Variants in MAP4K5 observed in about 807,000 individuals in gnomAD.
MAP4K5 encodes MAPK/ERK kinase kinase kinase 5.
MAP4K5 carries 82 observed loss-of-function variants against 135.6 expected under a neutral mutation model. The observed-to-expected ratio is 0.60, with a 90% confidence interval of 0.51 to 0.73. The LOEUF is 0.73. Ranked by LOEUF, MAP4K5 falls within the 30% of genes least tolerant of loss-of-function variation. The pLI is 0.00. For missense variants in MAP4K5, 907 were observed against 1,010.9 expected, an observed-to-expected ratio of 0.90 and a Z score of 1.39; for synonymous variants, 347 against 335.0, an observed-to-expected ratio of 1.04 and a Z score of -0.39.
chr14:50,444,918 A>T (rs1173521556), intron 18 of MAP4K5, 123 bp downstream of exon 18: 3 of 1,090,294 alleles, frequency 2.8e-6, no homozygotes, highest in South Asian at 3.5e-5. Context: ...TTGACTAAAT[A>T]AAAAAGATAT....
chr14:50,440,120 A>T, intron 22 of MAP4K5, 47 bp from the exon 23 acceptor site: 1 of 1,148,850 alleles, frequency 8.7e-7, no homozygotes, highest in East Asian at 2.5e-5. Flanking sequence ...CATTATTTTA[A>T]TCTTTTAAAT....
intron 9 of MAP4K5, among the ~76,000 whole-genome samples, chr14:50,473,454 A>G (rs2037014218): frequency 6.6e-6 from 1 of 152,178 alleles, no homozygotes; most frequent in Non-Finnish European, 1.5e-5. Flanking sequence ...TATTTTACTA[A>G]CTGCTTCTAA....
intron 9 of MAP4K5, among the ~76,000 whole-genome samples, chr14:50,472,889 T>C (rs912199696): frequency 6.6e-6 from 1 of 152,214 alleles, no homozygotes; most frequent in African/African-American, 2.4e-5. Context: ...AAATTAAACA[T>C]TGACTAATGC....
At chr14:50,480,289 C>CT (rs1183318514) in intron 6 of MAP4K5, among the ~76,000 whole-genome samples, 2 of 151,850 alleles carry the variant, frequency 1.3e-5, no homozygotes, top group East Asian at 3.9e-4. Context: ...AGCATTTATC[C>CT]TTTGAGTTAC....
intron 26 of MAP4K5, among the ~76,000 whole-genome samples, chr14:50,436,633 A>C (rs1355908793): frequency 6.6e-6 from 1 of 151,956 alleles, no homozygotes; most frequent in African/African-American, 2.4e-5. Flanking sequence ...CTGCATACTG[A>C]GATCAGCAAG....
At chr14:50,479,825 T>C (rs541562200) in intron 6 of MAP4K5, among the ~76,000 whole-genome samples, 23 of 152,302 alleles carry the variant, frequency 1.5e-4, no homozygotes, top group Admixed American at 1.3e-4. Flanking sequence ...ATACTCTACC[T>C]TAAATACTCT....
At chr14:50,457,197 A>G (rs1211752000) in intron 13 of MAP4K5, among the ~76,000 whole-genome samples, 1 of 152,218 alleles carries the variant, frequency 6.6e-6, no homozygotes, top group Admixed American at 6.5e-5. Flanking sequence ...GGGTGAGCCC[A>G]ATCGACAAAG....
intron 31 of MAP4K5, 141 bp downstream of exon 31, chr14:50,425,766 T>C (rs1457617041): frequency 2.0e-6 from 1 of 495,412 alleles, no homozygotes; most frequent in Non-Finnish European, 3.5e-6. Context: ...GGGAAAATAC[T>C]GGCTTTTTTG....
chr14:50,518,313 T>C (rs2038075772), intron 2 of MAP4K5, among the ~76,000 whole-genome samples: 1 of 152,154 alleles, frequency 6.6e-6, no homozygotes, highest in African/African-American at 2.4e-5. Context: ...TGCAGAAGAA[T>C]GTGCAGGTTT....
At position 50,487,887 on chromosome 14, in the gene MAP4K5, G is replaced by A. The variant is rs376607478; in HGVS notation, c.167-1693C>T. ...CATAGCATTAAAACTTCTCCTTTAC[G>A]CATGCTAATTTCCCTCAAACTGGCT... On this transcript the variant is annotated intron_variant, in intron 3 of 32. Coordinates refer to ENST00000682126, the MANE Select transcript of MAP4K5 (RefSeq NM_006575.6). Among the ~76,000 whole-genome samples the A allele has an allele frequency of 2.8e-4, 42 of 152,012 alleles. No homozygotes were observed. In the East Asian group the frequency reaches 6.0e-3, roughly 22 times the overall value.
intron 2 of MAP4K5, among the ~76,000 whole-genome samples, chr14:50,520,883 C>T (rs1015798574): frequency 3.4e-5 from 5 of 145,242 alleles, no homozygotes; most frequent in African/African-American, 7.7e-5. Context: ...AGTGCAGTGG[C>T]GCGATCTTTG....
intron 2 of MAP4K5, among the ~76,000 whole-genome samples, chr14:50,509,616 T>C (rs1453444338): frequency 6.6e-6 from 1 of 151,922 alleles, no homozygotes; most frequent in Non-Finnish European, 1.5e-5. Flanking sequence ...AAAAAAATTA[T>C]CGAATAAAAG....
At chr14:50,553,678 A>G (rs1466015439) in intron 1 of MAP4K5, among the ~76,000 whole-genome samples, 6 of 152,228 alleles carry the variant, frequency 3.9e-5, no homozygotes, top group Admixed American at 3.9e-4. Flanking sequence ...ACAATTCACA[A>G]TTACAAAGAT....
At chr14:50,526,132 T>C (rs952748880) in intron 2 of MAP4K5, among the ~76,000 whole-genome samples, 1 of 152,140 alleles carries the variant, frequency 6.6e-6, no homozygotes, top group Admixed American at 6.5e-5. Flanking sequence ...AAACCACTGG[T>C]CTTCTTTTAA....
upstream of MAP4K5, among the ~76,000 whole-genome samples, chr14:50,534,684 G>T (rs559965310): frequency 6.6e-6 from 1 of 152,274 alleles, no homozygotes; most frequent in East Asian, 1.9e-4. Flanking sequence ...TCTATGTGGT[G>T]GTTAAAAAGT....
intron 31 of MAP4K5, among the ~76,000 whole-genome samples, chr14:50,424,203 C>T (rs1325748825): frequency 6.6e-6 from 1 of 150,848 alleles, no homozygotes; most frequent in Non-Finnish European, 1.5e-5. Context: ...AAGGAGTTTG[C>T]AGTCTACCTG....
chr14:50,548,872 C>T (rs2038667165), intron 1 of MAP4K5, among the ~76,000 whole-genome samples: 1 of 152,058 alleles, frequency 6.6e-6, no homozygotes, highest in South Asian at 2.1e-4. Context: ...AGCTATTAGC[C>T]ATGTATAGGG....
intron 2 of MAP4K5, among the ~76,000 whole-genome samples, chr14:50,517,309 G>A (rs1298365065): frequency 6.6e-6 from 1 of 151,748 alleles, no homozygotes; most frequent in African/African-American, 2.4e-5. Context: ...GTGCCACCAC[G>A]CCCAGCTAAT....
Position 50,468,044 on chromosome 14 carries a change from C to T in MAP4K5, c.674+607G>A, listed in dbSNP as rs765087775. ...AAGTATCAAAAAACTTTTCAGATGC[C>T]CTCAAATATTTTTTTCTGAGATAAT... On this transcript the variant is annotated intron_variant, in intron 10 of 32. Coordinates refer to ENST00000682126, the MANE Select transcript of MAP4K5 (RefSeq NM_006575.6). 4.7e-4 allele frequency among the ~76,000 whole-genome samples: 72 copies of T among 151,766 alleles called. 1 individual carries two copies. In the Middle Eastern group the frequency reaches 0.017, roughly 36 times the overall value.
Sources: allele counts gnomAD v4.1 joint callset (sites outside exome capture counted in the v4.1 genomes callset), GRCh38; gene constraint gnomAD v4.1.1; transcripts MANE v1.5; gene names NCBI Gene and HGNC (gene_info 2026-07-23, HGNC 2026-07-21).